The following RUNX1 variants were observed in gnomAD, a reference collection of about 807,000 sequenced individuals.
The protein encoded by RUNX1 is runt-related transcription factor 1.
In RUNX1, 19 loss-of-function variants were observed where a neutral mutation model predicts 42.8. The observed-to-expected ratio is 0.44, with a 90% CI of 0.31 to 0.65. RUNX1 has a LOEUF of 0.65. Among genes scored for constraint, RUNX1 ranks in the 30% least tolerant of loss-of-function variants. The pLI, the probability that RUNX1 is intolerant of heterozygous loss-of-function variation, is 0.07. For synonymous variants in RUNX1, 271 were observed against 289.4 expected (o/e 0.94, Z 0.64); for missense variants, 528 against 672.0 (o/e 0.79, Z 2.37).
At position 34,791,952 on chromosome 21, in the gene RUNX1, G is replaced by C. The variant is rs772891352; in HGVS notation, c.*183C>G. 4.7e-5 allele frequency: 18 copies of C among 381,948 alleles called. 1 individual carries two copies. The South Asian group carries it at 5.6e-4, about 12-fold the overall frequency. 23.7% of individuals were successfully genotyped at this position (381,948 alleles called of 1,614,324 possible). A position where few individuals can be genotyped will look rare whatever the true frequency, so the allele number is the denominator to read the frequency against. ...GCAGACGGCGGCGGCGTGGGCTTCT[G>C]GGCGCAGGAGGCTGCGCGGGCCTGA... On this transcript the variant is annotated 3_prime_UTR_variant, in exon 9 of 9. Coordinates refer to ENST00000675419, the MANE Select transcript of RUNX1 (RefSeq NM_001754.5).
intron 6 of RUNX1, among the ~76,000 whole-genome samples, chr21:34,839,967 C>A (rs1191509077): frequency 6.6e-6 from 1 of 152,094 alleles, no homozygotes; most frequent in Non-Finnish European, 1.5e-5. Context: ...AACTATTTGG[C>A]CGTCTTTTCA....
chr21:34,942,124 G>A (rs969933253), intron 2 of RUNX1, among the ~76,000 whole-genome samples: 1 of 152,090 alleles, frequency 6.6e-6, no homozygotes, highest in Admixed American at 6.6e-5. Context: ...ATGGTAATGG[G>A]ATATTTAGAA....
At chr21:35,010,665 T>G (rs1463327613) in intron 2 of RUNX1, among the ~76,000 whole-genome samples, 1 of 150,880 alleles carries the variant, frequency 6.6e-6, no homozygotes, top group Non-Finnish European at 1.5e-5. Context: ...ATTCACAAAG[T>G]CCTACACAGG....
intron 2 of RUNX1, among the ~76,000 whole-genome samples, chr21:34,972,142 A>G (rs1323080351): frequency 6.6e-6 from 1 of 152,160 alleles, no homozygotes; most frequent in Admixed American, 6.6e-5. Context: ...TTACCAGAAA[A>G]ACTGGAAATT....
intron 2 of RUNX1, among the ~76,000 whole-genome samples, chr21:35,036,567 A>C (rs139815329): frequency 3.3e-4 from 51 of 152,302 alleles, no homozygotes; most frequent in Non-Finnish European, 6.8e-4. Flanking sequence ...ATAAAGGTGA[A>C]GGGGGAAAAG....
In RUNX1 at chr21:34,843,860, ACTGTCCATTT is replaced by A. The variant is rs1329878109; in HGVS notation, c.614-9269_614-9260del. On this transcript the variant is annotated intron_variant, in intron 6 of 8. Transcript: ENST00000675419. The surrounding 1 kb of genome is among the most constrained non-coding windows in gnomAD (Gnocchi z 4.8). ...CTGCCATCCCCGGTCGCCAGGGCTC[ACTGTCCATTT>A]CTGTCTGGTGACTAAGGAGGTAACT... 1.3e-5 allele frequency among the ~76,000 whole-genome samples: 2 copies of A among 152,206 alleles called. No individual in the cohort carries two copies. Among genetic ancestry groups the A allele is most frequent in the African/African-American group, 2.4e-5 (1 of 41,456 alleles).
At chr21:34,887,428 T>C in intron 3 of RUNX1, 1 of 1,323,204 alleles carries the variant, frequency 7.6e-7, no homozygotes. Context: ...AAGTTCTGTC[T>C]TTGGCTGTTA....
intron 2 of RUNX1, among the ~76,000 whole-genome samples, chr21:34,917,426 T>C (rs2058319868): frequency 6.6e-6 from 1 of 152,164 alleles, no homozygotes; most frequent in Non-Finnish European, 1.5e-5. Context: ...CAGTTTTCAG[T>C]TGAACAAAAA....
chr21:34,857,917 G>C (rs1321011979), intron 6 of RUNX1, among the ~76,000 whole-genome samples: 1 of 152,160 alleles, frequency 6.6e-6, no homozygotes, highest in Non-Finnish European at 1.5e-5. Context: ...GAAGAATCAG[G>C]GTCTGTTATC....
intron 2 of RUNX1, among the ~76,000 whole-genome samples, chr21:34,962,444 G>C (rs1460768959): frequency 6.6e-6 from 1 of 152,142 alleles, no homozygotes; most frequent in Non-Finnish European, 1.5e-5. Flanking sequence ...CCTTTTGCTA[G>C]CATATAAAAG....
intron 5 of RUNX1, among the ~76,000 whole-genome samples, chr21:34,874,484 C>T (rs2057784825): frequency 6.6e-6 from 1 of 151,458 alleles, no homozygotes; most frequent in South Asian, 2.1e-4. Flanking sequence ...TGGTGGATGC[C>T]TGTAATCCCC....
At chr21:34,818,546 C>CATTGTCTCAGACAGGTGTGAG (rs2056864013) in intron 7 of RUNX1, among the ~76,000 whole-genome samples, 1 of 152,114 alleles carries the variant, frequency 6.6e-6, no homozygotes, top group African/African-American at 2.4e-5. Flanking sequence ...ACAAGGCCCT[C>CATTGTCTCAGACAGGTGTGAG]ATTGTCTCAG....
intron 2 of RUNX1, among the ~76,000 whole-genome samples, chr21:34,990,866 T>C (rs2058931964): frequency 1.3e-5 from 2 of 152,216 alleles, no homozygotes; most frequent in South Asian, 4.1e-4. Context: ...GCTGGGATTA[T>C]AGGAGTGAGC....
chr21:35,012,944 C>T (rs1297058781), intron 2 of RUNX1, among the ~76,000 whole-genome samples: 5 of 151,938 alleles, frequency 3.3e-5, no homozygotes, highest in Admixed American at 3.3e-4. Flanking sequence ...AAGCAGCCAT[C>T]GATAATACAT....
intron 2 of RUNX1, among the ~76,000 whole-genome samples, chr21:34,899,584 AGAAGTCAC>A (rs2058161284): frequency 6.6e-6 from 1 of 152,246 alleles, no homozygotes; most frequent in Non-Finnish European, 1.5e-5. Flanking sequence ...GTATGGTAAT[AGAAGTCAC>A]CAGTACATCT....
chr21:34,825,968 C>T (rs1164422850), intron 7 of RUNX1, among the ~76,000 whole-genome samples: 1 of 152,194 alleles, frequency 6.6e-6, no homozygotes, highest in African/African-American at 2.4e-5. Context: ...CCCCTAGAGG[C>T]TTCAGAGAAT....
intron 6 of RUNX1, among the ~76,000 whole-genome samples, chr21:34,846,815 G>A (rs943874559): frequency 3.3e-5 from 5 of 152,198 alleles, no homozygotes; most frequent in Admixed American, 1.3e-4. Context: ...TGAATCACCC[G>A]AAGAATAGAA....
At chr21:35,020,926 G>A (rs2059193741) in intron 2 of RUNX1, among the ~76,000 whole-genome samples, 1 of 152,158 alleles carries the variant, frequency 6.6e-6, no homozygotes, top group Non-Finnish European at 1.5e-5. Flanking sequence ...GAAGGGGAAT[G>A]AGGTCCCCAC....
chr21:34,930,237 TA>T (rs200580981), intron 2 of RUNX1, among the ~76,000 whole-genome samples: 6,095 of 120,606 alleles, frequency 0.051, 488 homozygotes, highest in African/African-American at 0.21. Context: ...TATATATACA[TA>T]TTATATATGT....
Sources: gnomAD v4.1 joint callset for allele counts (sites outside exome capture counted in the v4.1 genomes callset) on GRCh38, gnomAD v4.1.1 for gene constraint, Gnocchi (gnomAD v3.1) non-coding constraint, MANE v1.5 for transcripts, NCBI Gene and HGNC (gene_info 2026-07-23, HGNC 2026-07-21) for gene names.